The following RANBP2 variants were observed in gnomAD, a reference collection of about 807,000 sequenced individuals.
RANBP2 encodes RAN binding protein 2.
Under a neutral mutation model 303.6 loss-of-function variants are expected in RANBP2, and 57 were observed. The ratio of observed to expected loss-of-function variants is 0.19; its 90% CI spans 0.15 to 0.23. RANBP2 has a LOEUF of 0.23. Ranked by LOEUF, RANBP2 falls within the 10% of genes least tolerant of loss-of-function variation. RANBP2 has a pLI of 1.00. For synonymous variants in RANBP2, 1,167 were observed against 1,301.5 expected (o/e 0.90, Z 2.23); for missense variants, 3,138 against 3,780.8 (o/e 0.83, Z 4.46).
At chr2:108,935,051 C>T in the RANBP2 span, among the ~76,000 whole-genome samples, 1 of 152,212 alleles carries the variant, frequency 6.6e-6, no homozygotes, top group Admixed American at 6.5e-5. Context: ...TACCTAGTGC[C>T]TGTAGGCATT....
the RANBP2 span, among the ~76,000 whole-genome samples, chr2:109,514,997 C>T: frequency 1.1e-4 from 16 of 151,568 alleles, no homozygotes; most frequent in African/African-American, 3.6e-4. Context: ...CCAACCACAT[C>T]TGCCAACTCT....
the RANBP2 span, among the ~76,000 whole-genome samples, chr2:109,518,062 C>T: frequency 6.8e-4 from 103 of 152,340 alleles, no homozygotes; most frequent in Middle Eastern, 3.4e-3. Context: ...GGTGTGCAGC[C>T]ATGAAGCCAC....
the RANBP2 span, among the ~76,000 whole-genome samples, chr2:109,007,402 C>G: frequency 1.3e-5 from 2 of 152,234 alleles, no homozygotes; most frequent in Admixed American, 1.3e-4. Flanking sequence ...TTTCTGGGAA[C>G]ACTCTTCCTG....
chr2:108,800,874 G>A, the RANBP2 span, among the ~76,000 whole-genome samples: 15 of 120,806 alleles, frequency 1.2e-4, no homozygotes, highest in East Asian at 1.2e-3. Flanking sequence ...GAGAATATGC[G>A]GTGTTTGGTT....
At chr2:108,913,156 A>T in the RANBP2 span, among the ~76,000 whole-genome samples, 1 of 151,814 alleles carries the variant, frequency 6.6e-6, no homozygotes, top group Admixed American at 6.6e-5. Context: ...TCACCATGTT[A>T]GCCAGGATGG....
chr2:109,215,252 G>A, the RANBP2 span, among the ~76,000 whole-genome samples: 4 of 152,166 alleles, frequency 2.6e-5, no homozygotes, highest in Non-Finnish European at 4.4e-5. Context: ...AGAGGAAACT[G>A]GAGGGTAGGG....
the RANBP2 span, chr2:109,501,988 G>A: frequency 3.3e-6 from 1 of 298,526 alleles, no homozygotes; most frequent in Non-Finnish European, 6.4e-6. Flanking sequence ...TGCAGCCATG[G>A]CAGCGTTCTC....
At chr2:109,721,608 C>T in the RANBP2 span, among the ~76,000 whole-genome samples, 4 of 152,244 alleles carry the variant, frequency 2.6e-5, no homozygotes, top group Admixed American at 6.5e-5. Context: ...ATGAGGCCAT[C>T]AGAAAGGGTG....
Position 108,767,397 on chromosome 2 carries a change from G to C in RANBP2, c.6858G>C (p.Gln2286His), listed in dbSNP as rs750961259. ...SPSKSPAKLNQSGTSVGTDEE... is the reference protein window; with the variant it reads ...SPSKSPAKLNHSGTSVGTDEE... ...CTAAGTCTCCTGCCAAGTTGAATCA[G>C]AGTGGGACTTCAGTTGGCACTGATG... The change falls in exon 20 of 29, where the codon CAG becomes CAC. Residue 2286 changes from glutamine to histidine, a missense_variant. Around this residue, in one of 20 missense-constraint regions of RANBP2, gnomAD observed 72 missense variants for 86.8 expected, o/e 0.83. Coordinates refer to ENST00000283195, the MANE Select transcript of RANBP2 (RefSeq NM_006267.5). The C allele has an allele frequency of 2.5e-6, 4 of 1,611,844 alleles. No homozygotes were observed. The Admixed American group carries it at 6.7e-5, about 27-fold the overall frequency.
At chr2:109,593,020 A>G in the RANBP2 span, 7 of 1,439,200 alleles carry the variant, frequency 4.9e-6, no homozygotes, top group Non-Finnish European at 5.6e-6. Context: ...TTTAGAGTAC[A>G]ATATGGTATC....
At chr2:109,061,878 G>A in the RANBP2 span, among the ~76,000 whole-genome samples, 1 of 152,122 alleles carries the variant, frequency 6.6e-6, no homozygotes, top group African/African-American at 2.4e-5. Flanking sequence ...TGTGGGATGC[G>A]ACTGGAGCCA....
the RANBP2 span, among the ~76,000 whole-genome samples, chr2:109,201,174 A>G: frequency 6.6e-6 from 1 of 152,210 alleles, no homozygotes; most frequent in Non-Finnish European, 1.5e-5. Context: ...CGGCCTCTGC[A>G]TGGCTGCAAG....
chr2:109,380,975 T>A, the RANBP2 span, among the ~76,000 whole-genome samples: 55 of 152,352 alleles, frequency 3.6e-4, no homozygotes, highest in African/African-American at 1.3e-3. Context: ...TCGTTGCTGA[T>A]TGCCGACTGT....
chr2:108,841,398 T>C, the RANBP2 span, among the ~76,000 whole-genome samples: 4 of 152,200 alleles, frequency 2.6e-5, no homozygotes, highest in South Asian at 4.1e-4. Flanking sequence ...TTATATGTTA[T>C]AACCTTCATC....
chr2:108,961,209 C>T, the RANBP2 span, among the ~76,000 whole-genome samples: 1 of 151,780 alleles, frequency 6.6e-6, no homozygotes, highest in Admixed American at 6.5e-5. Context: ...AGAAGACTGA[C>T]CATAATTTTT....
chr2:109,624,346 C>G, the RANBP2 span, among the ~76,000 whole-genome samples: 1 of 152,216 alleles, frequency 6.6e-6, no homozygotes, highest in African/African-American at 2.4e-5. Context: ...TTAAGAAATT[C>G]ACCTGGAAGA....
chr2:109,299,515 C>T, the RANBP2 span, among the ~76,000 whole-genome samples: 1 of 152,082 alleles, frequency 6.6e-6, no homozygotes, highest in East Asian at 1.9e-4. Flanking sequence ...TAGGCCTTAG[C>T]CTTGCACCCC....
chr2:109,555,290 G>A, the RANBP2 span, among the ~76,000 whole-genome samples: 1 of 152,158 alleles, frequency 6.6e-6, no homozygotes, highest in Non-Finnish European at 1.5e-5. Context: ...AAACAATTCT[G>A]ATATCCTATC....
At chr2:109,417,367 G>A in the RANBP2 span, among the ~76,000 whole-genome samples, 2 of 152,178 alleles carry the variant, frequency 1.3e-5, no homozygotes, top group African/African-American at 2.4e-5. Flanking sequence ...CATTGTTGGG[G>A]ACACCTCCTC....
Sources: gnomAD v4.1 joint callset for allele counts (sites outside exome capture counted in the v4.1 genomes callset) on GRCh38, gnomAD v4.1.1 for gene constraint, gnomAD v4.1.1 regional missense constraint, MANE v1.5 for transcripts, NCBI Gene and HGNC (gene_info 2026-07-23, HGNC 2026-07-21) for gene names.